MAGI3: variants seen among roughly 807,000 people sequenced by gnomAD.
MAGI3 encodes the protein membrane associated guanylate kinase, WW and PDZ domain containing 3, also known as membrane-associated guanylate kinase, WW and PDZ domain-containing protein 3.
MAGI3 carries 43 observed loss-of-function variants against 121.8 expected under a neutral mutation model. That is an observed-to-expected ratio of 0.35 (90% CI 0.28 to 0.46). The LOEUF is 0.46. Ranked by LOEUF, MAGI3 falls within the 20% of genes least tolerant of loss-of-function variation. MAGI3 has a pLI of 1.00. For missense variants in MAGI3, 1,547 were observed against 1,797.3 expected (o/e 0.86, Z 2.52); for synonymous variants, 553 against 639.3 (o/e 0.86, Z 2.04).
At chr1:113,584,833 TAGTA>T (rs1481303522) in intron 3 of MAGI3, among the ~76,000 whole-genome samples, 1 of 152,092 alleles carries the variant, frequency 6.6e-6, no homozygotes, top group Non-Finnish European at 1.5e-5. Flanking sequence ...CTTAAACAAA[TAGTA>T]TTAAGATATT....
At chr1:113,417,390 G>A (rs1042933340) in intron 1 of MAGI3, among the ~76,000 whole-genome samples, 16 of 151,936 alleles carry the variant, frequency 1.1e-4, no homozygotes, top group Non-Finnish European at 1.8e-4. Context: ...TTAAATTGGG[G>A]ACCACATTTA....
intron 1 of MAGI3, among the ~76,000 whole-genome samples, chr1:113,530,317 A>G (rs12064897): frequency 5.5e-5 from 8 of 145,456 alleles, no homozygotes; most frequent in African/African-American, 1.8e-4. Context: ...ACTTCCTACC[A>G]GAAAGGAAAA....
intron 18 of MAGI3, 84 bp from the exon 19 acceptor site, chr1:113,673,238 T>C: frequency 6.8e-7 from 1 of 1,461,306 alleles, no homozygotes. Flanking sequence ...AAATCATTTC[T>C]TCCAGCTATA....
Position 113,550,510 on chromosome 1 carries a change from C to T in MAGI3, c.433+879C>T, listed in dbSNP as rs539757715. 9.4e-4 allele frequency among the ~76,000 whole-genome samples: 143 copies of T among 151,834 alleles called. No homozygotes were observed. In the Middle Eastern group the frequency reaches 0.014, roughly 14 times the overall value. On this transcript the variant is annotated intron_variant, in intron 2 of 20. Coordinates refer to ENST00000307546, the MANE Select transcript of MAGI3 (RefSeq NM_001142782.2). ...AATTTAAGATTATATAATCCCAGCA[C>T]TTTGGGAGGCTGAGGTGGGCAGATC... is the stretch of plus-strand genomic sequence containing the variant.
At chr1:113,601,346 A>G (rs1038545755) in intron 6 of MAGI3, among the ~76,000 whole-genome samples, 14 of 151,728 alleles carry the variant, frequency 9.2e-5, no homozygotes, top group African/African-American at 3.4e-4. Context: ...AATATCCACA[A>G]TCTACAATGA....
chr1:113,615,880 A>G (rs1281880552), intron 7 of MAGI3, among the ~76,000 whole-genome samples: 7 of 152,130 alleles, frequency 4.6e-5, no homozygotes, highest in Non-Finnish European at 8.8e-5. Flanking sequence ...AGAAACAACC[A>G]TTTTTCACAT....
chr1:113,419,409 G>C (rs7552954), intron 1 of MAGI3, among the ~76,000 whole-genome samples: 1 of 151,844 alleles, frequency 6.6e-6, no homozygotes, highest in African/African-American at 2.4e-5. Flanking sequence ...GATCAGAACT[G>C]TTCAGAGTTC....
At chr1:113,619,369 T>C (rs1650681575) in intron 7 of MAGI3, among the ~76,000 whole-genome samples, 1 of 152,214 alleles carries the variant, frequency 6.6e-6, no homozygotes, top group Admixed American at 6.5e-5. Flanking sequence ...TGGAGAAACT[T>C]AAATTAAAAC....
chr1:113,529,152 C>A (rs1316423928), intron 1 of MAGI3, among the ~76,000 whole-genome samples: 1 of 152,090 alleles, frequency 6.6e-6, no homozygotes, highest in African/African-American at 2.4e-5. Flanking sequence ...CTTTTACCAC[C>A]CTGTCATAGG....
At chr1:113,601,936 A>T (rs1649414140) in intron 6 of MAGI3, among the ~76,000 whole-genome samples, 1 of 151,170 alleles carries the variant, frequency 6.6e-6, no homozygotes, top group South Asian at 2.1e-4. Context: ...CATGGATGAA[A>T]TTGGAAATCA....
At chr1:113,604,082 TAAA>T (rs1238282823) in intron 6 of MAGI3, among the ~76,000 whole-genome samples, 4 of 152,150 alleles carry the variant, frequency 2.6e-5, no homozygotes, top group Admixed American at 1.3e-4. Context: ...GGAGCATTCT[TAAA>T]GAACTAAAAT....
At position 113,660,766 on chromosome 1, in the gene MAGI3, A is replaced by ATTTT. The variant is rs33956607; in HGVS notation, c.2815+1518_2815+1521dup. 9.8e-5 allele frequency among the ~76,000 whole-genome samples: 12 copies of ATTTT among 122,968 alleles called. 1 individual carries two copies. Among genetic ancestry groups the ATTTT allele is most frequent in the African/African-American group, 2.2e-4 (7 of 32,160 alleles). The allele number at this position is 122,968 out of a possible 152,430, so 80.7% of individuals were successfully genotyped here. A position where few individuals can be genotyped will look rare whatever the true frequency, so the allele number is the denominator to read the frequency against. On this transcript the variant is annotated intron_variant, in intron 16 of 20. Transcript: ENST00000307546. ...AGTAGCTAGGACTACATAATTTTTA[A>ATTTT]TTTTTTTTTTTTTTTTTTTTGAGAT...
At chr1:113,607,323 A>G (rs9803891) in intron 6 of MAGI3, among the ~76,000 whole-genome samples, 33,127 of 152,136 alleles carry the variant, frequency 0.22, 4,518 homozygotes, top group South Asian at 0.39. Flanking sequence ...TTGAGGGAGG[A>G]ATGGATGAGA....
intron 9 of MAGI3, among the ~76,000 whole-genome samples, chr1:113,631,332 AGTT>A (rs1328870468): frequency 6.6e-6 from 1 of 152,048 alleles, no homozygotes; most frequent in African/African-American, 2.4e-5. Flanking sequence ...GTGTGTAGTT[AGTT>A]GTTAAAATTT....
chr1:113,627,557 C>T (rs1457704460), intron 9 of MAGI3, among the ~76,000 whole-genome samples: 3 of 149,020 alleles, frequency 2.0e-5, no homozygotes, highest in African/African-American at 7.3e-5. Flanking sequence ...AGGTCTATTT[C>T]TCTCTCCTTA....
At chr1:113,431,085 G>C (rs1653276257) in intron 1 of MAGI3, among the ~76,000 whole-genome samples, 1 of 152,114 alleles carries the variant, frequency 6.6e-6, no homozygotes, top group Admixed American at 6.5e-5. Context: ...AGACCTAGTA[G>C]GTAACCTGGA....
At chr1:113,545,046 T>A (rs930956597) in intron 1 of MAGI3, among the ~76,000 whole-genome samples, 2 of 151,680 alleles carry the variant, frequency 1.3e-5, no homozygotes, top group African/African-American at 2.4e-5. Flanking sequence ...TTTTTTTTTT[T>A]AACAAAATAT....
chr1:113,628,187 T>A (rs779632262), intron 9 of MAGI3, among the ~76,000 whole-genome samples: 99 of 152,206 alleles, frequency 6.5e-4, no homozygotes, highest in Non-Finnish European at 8.8e-4. Flanking sequence ...ATCCATTGTA[T>A]TTTTTTATTT....
chr1:113,655,376 G>A (rs1653413497), intron 15 of MAGI3, among the ~76,000 whole-genome samples: 1 of 152,000 alleles, frequency 6.6e-6, no homozygotes, highest in African/African-American at 2.4e-5. Flanking sequence ...GAAATTTGGG[G>A]AAAGTCTAGT....
Sources: allele counts gnomAD v4.1 joint callset (sites outside exome capture counted in the v4.1 genomes callset), GRCh38; gene constraint gnomAD v4.1.1; transcripts MANE v1.5; gene names NCBI Gene and HGNC (gene_info 2026-07-23, HGNC 2026-07-21).